The following COG6 variants were observed in gnomAD, a reference collection of about 807,000 sequenced individuals.
COG6 encodes the protein conserved oligomeric Golgi complex subunit 6.
COG6 carries 74 observed loss-of-function variants against 88.8 expected under a neutral mutation model. That is an observed-to-expected ratio of 0.83 (90% CI 0.69 to 1.01). The LOEUF (loss-of-function observed/expected upper bound fraction) is 1.01. COG6 is among the 50% of genes least tolerant of loss of function. The probability of loss-of-function intolerance (pLI) is 0.00; values close to 1 mark genes in which losing one functional copy is unlikely to be tolerated. For synonymous variants in COG6, 286 were observed against 278.7 expected, an observed-to-expected ratio of 1.03 and a Z score of -0.26; for missense variants, 800 against 797.9, an observed-to-expected ratio of 1.00 and a Z score of -0.03.
At chr13:39,676,475 AT>A (rs1406947733) in intron 4 of COG6, among the ~76,000 whole-genome samples, 2 of 152,090 alleles carry the variant, frequency 1.3e-5, no homozygotes, top group Admixed American at 1.3e-4. Flanking sequence ...GTGATTTATC[AT>A]TTGAAATAAA....
chr13:39,669,915 A>G (rs972128070), intron 4 of COG6, among the ~76,000 whole-genome samples: 1 of 152,170 alleles, frequency 6.6e-6, no homozygotes, highest in African/African-American at 2.4e-5. Flanking sequence ...AGAAATTATG[A>G]TAACAGGTCT....
At position 39,773,871 on chromosome 13, in the gene COG6, C is replaced by CTT. The variant is rs5803011; in HGVS notation, c.1827-14451_1827-14450dup. Among the ~76,000 whole-genome samples the CTT allele has an allele frequency of 2.6e-3, 371 of 144,746 alleles. 2 individuals carry two copies. The highest frequency in any genetic ancestry group is 7.2e-3 in the Middle Eastern group (2 of 278). The allele number at this position is 144,746 out of a possible 152,430, so 95.0% of individuals were successfully genotyped here. A position where few individuals can be genotyped will look rare whatever the true frequency, so the allele number is the denominator to read the frequency against. ...AATTACAAACCTATTGACATTTTTG[C>CTT]TTTTTTTTTTTTTTACCCAATCATG... is the stretch of plus-strand genomic sequence containing the variant. On this transcript the variant is annotated intron_variant, in intron 18 of 18. Coordinates refer to the COG6 transcript ENST00000416691.
chr13:39,732,819 A>C (rs1192501041), intron 18 of COG6, among the ~76,000 whole-genome samples: 1 of 152,212 alleles, frequency 6.6e-6, no homozygotes, highest in Non-Finnish European at 1.5e-5. Flanking sequence ...AAGCAGAAAA[A>C]TTTGAATAAA....
At position 39,723,439 on chromosome 13, in the gene COG6, A is replaced by G. The variant is rs779206614; in HGVS notation, c.1691A>G (p.Gln564Arg). ...YNTVQQHKPE[Q>R]GSLANMPNLD... ...ACTGTACAGCAACATAAACCTGAAC[A>G]GGTAAGTGCATAGATGTTCCTTCCT... The change falls in exon 16 of 19, where the codon CAG becomes CGG. Residue 564 changes from glutamine (Q) to arginine (R), a missense_variant and splice_region_variant. By Grantham distance (43) the Gln-to-Arg change is conservative (BLOSUM62 1). Transcript: ENST00000455146. The G allele has an allele frequency of 4.6e-6, 7 of 1,529,372 alleles. No individual in the cohort carries two copies. In the South Asian group the frequency reaches 6.7e-5, roughly 15 times the overall value. The allele number at this position is 1,529,372 out of a possible 1,614,324, so 94.7% of individuals were successfully genotyped here.
chr13:39,670,937 G>A (rs937173891), intron 4 of COG6, among the ~76,000 whole-genome samples: 1 of 152,006 alleles, frequency 6.6e-6, no homozygotes, highest in African/African-American at 2.4e-5. Context: ...TATATTGCAT[G>A]TAAAAGTATA....
intron 18 of COG6, among the ~76,000 whole-genome samples, chr13:39,736,289 T>G (rs1879740254): frequency 1.3e-5 from 2 of 152,224 alleles, no homozygotes; most frequent in African/African-American, 4.8e-5. Flanking sequence ...GTTCTGCAGC[T>G]AAGAGACTCT....
At chr13:39,692,638 A>G (rs1359761352) in intron 11 of COG6, among the ~76,000 whole-genome samples, 2 of 151,492 alleles carry the variant, frequency 1.3e-5, no homozygotes, top group East Asian at 3.9e-4. Context: ...ACACAAACCC[A>G]CTCTCTTTCT....
At chr13:39,664,945 A>G (rs1343030738) in intron 3 of COG6, 151 bp from the exon 4 acceptor site, 1 of 602,174 alleles carries the variant, frequency 1.7e-6, no homozygotes, top group Admixed American at 2.9e-5. Context: ...ATGAGCCTTG[A>G]AACATCTACG....
chr13:39,684,242 G>GTTTTTTTT (rs1593423136), intron 8 of COG6, among the ~76,000 whole-genome samples: 30 of 44,790 alleles, frequency 6.7e-4, no homozygotes, highest in Middle Eastern at 0.019. Flanking sequence ...CAATTTGGAA[G>GTTTTTTTT]ATTTTTTTTT....
intron 4 of COG6, among the ~76,000 whole-genome samples, chr13:39,669,094 G>A (rs1875463176): frequency 6.6e-6 from 1 of 152,262 alleles, no homozygotes; most frequent in African/African-American, 2.4e-5. Context: ...TGCAGACTAA[G>A]CCCATGTGGG....
intron 7 of COG6, 122 bp from the exon 8 acceptor site, chr13:39,682,049 G>A (rs1265075019): frequency 2.1e-5 from 15 of 715,858 alleles, no homozygotes; most frequent in South Asian, 1.9e-4. Flanking sequence ...TATTCTCTAG[G>A]TTTTTCTGAG....
rs538270705 is a variant in COG6 at position 39,763,341 on chromosome 13, G to A, written c.1827-24994G>A. ...CCTTTTTATCGTTTCTTGCTATGTGGCACTACATAATGTTTAACCATTTAC... is the reference window on the plus strand; with the variant it reads ...CCTTTTTATCGTTTCTTGCTATGTGACACTACATAATGTTTAACCATTTAC... On this transcript the variant is annotated intron_variant, in intron 18 of 18. Transcript: ENST00000416691. Among the ~76,000 whole-genome samples, 5 of 151,752 alleles carry A rather than the reference G, an allele frequency of 3.3e-5. No individual in the cohort carries two copies. The East Asian group carries it at 9.7e-4, about 29-fold the overall frequency.
intron 18 of COG6, among the ~76,000 whole-genome samples, chr13:39,763,154 C>T (rs1361903010): frequency 3.3e-5 from 5 of 151,624 alleles, no homozygotes; most frequent in African/African-American, 1.2e-4. Flanking sequence ...ATTATTTTCC[C>T]TTTCTGTATA....
chr13:39,666,334 A>C (rs1424548801), intron 4 of COG6, among the ~76,000 whole-genome samples: 1 of 152,178 alleles, frequency 6.6e-6, no homozygotes, highest in East Asian at 1.9e-4. Context: ...CCAGGAGTTC[A>C]AGGTTGCAGT....
At chr13:39,733,821 G>A (rs2138107193) in intron 18 of COG6, among the ~76,000 whole-genome samples, 1 of 152,140 alleles carries the variant, frequency 6.6e-6, no homozygotes, top group East Asian at 1.9e-4. Flanking sequence ...CTCATTACTT[G>A]TTATTGGACT....
intron 12 of COG6, among the ~76,000 whole-genome samples, chr13:39,695,246 T>C (rs1355459135): frequency 1.3e-5 from 2 of 151,846 alleles, no homozygotes; most frequent in African/African-American, 2.4e-5. Context: ...AATAGAGTCA[T>C]AGCTTTATCT....
chr13:39,744,117 G>C (rs1426010215), intron 18 of COG6, among the ~76,000 whole-genome samples: 3 of 152,106 alleles, frequency 2.0e-5, no homozygotes, highest in Non-Finnish European at 4.4e-5. Context: ...AATAATAAGA[G>C]CTATTTATGA....
intron 13 of COG6, among the ~76,000 whole-genome samples, chr13:39,716,891 C>CA (rs1259949825): frequency 1.3e-5 from 2 of 152,042 alleles, no homozygotes; most frequent in Admixed American, 6.6e-5. Context: ...GAGTTATGAA[C>CA]AAAAAATACA....
chr13:39,719,387 T>G lies in COG6; in HGVS notation c.1416+20T>G. The stretch of plus-strand genomic sequence containing the variant: ...GTGCAGGTATGTTATAAATTCATTT[T>G]TAATGATTGTTTTTTGCTCTTCTAT... On this transcript the variant is annotated intron_variant, in intron 14 of 18. Transcript: ENST00000455146. The G allele has an allele frequency of 1.9e-6, 3 of 1,608,390 alleles. No homozygotes were observed. The highest frequency in any genetic ancestry group is 1.7e-6 in the Non-Finnish European group (2 of 1,176,418).
Sources: allele counts gnomAD v4.1 joint callset (sites outside exome capture counted in the v4.1 genomes callset), GRCh38; gene constraint gnomAD v4.1.1; transcripts MANE v1.5; gene names NCBI Gene and HGNC (gene_info 2026-07-23, HGNC 2026-07-21).